GPC5: variants seen among roughly 807,000 people sequenced by gnomAD.
GPC5 encodes the protein glypican-5.
GPC5 carries 47 observed loss-of-function variants against 53.9 expected under a neutral mutation model. That is an observed-to-expected ratio of 0.87 (90% CI 0.69 to 1.11). The LOEUF is 1.11. GPC5 is among the 50% of genes most tolerant of loss of function. The pLI is 0.00. For missense variants in GPC5, 748 were observed against 713.1 expected, an observed-to-expected ratio of 1.05 and a Z score of -0.56; for synonymous variants, 286 against 263.3, an observed-to-expected ratio of 1.09 and a Z score of -0.84.
At chr13:92,079,159 C>A (rs553433640) in intron 6 of GPC5, among the ~76,000 whole-genome samples, 6 of 152,142 alleles carry the variant, frequency 3.9e-5, no homozygotes, top group Non-Finnish European at 7.3e-5. Context: ...TCAAGCAATT[C>A]TCCTGCCTCA....
At chr13:92,486,633 G>A (rs931371319) in intron 7 of GPC5, among the ~76,000 whole-genome samples, 5 of 152,142 alleles carry the variant, frequency 3.3e-5, no homozygotes, top group African/African-American at 1.2e-4. Context: ...GTACTTGATT[G>A]TATTTCTATG....
At chr13:91,942,662 A>G (rs1042487964) in intron 6 of GPC5, among the ~76,000 whole-genome samples, 1 of 23,912 alleles carries the variant, frequency 4.2e-5, no homozygotes, top group Non-Finnish European at 8.0e-5. Context: ...TGTGAAAAAA[A>G]TATAGATATA....
intron 7 of GPC5, among the ~76,000 whole-genome samples, chr13:92,231,265 C>T (rs1421588109): frequency 6.6e-6 from 1 of 152,170 alleles, no homozygotes; most frequent in East Asian, 1.9e-4. Context: ...AAACTCAAGA[C>T]AATCATCATG....
intron 5 of GPC5, among the ~76,000 whole-genome samples, chr13:91,772,005 G>A (rs1022480631): frequency 1.3e-5 from 2 of 152,176 alleles, no homozygotes; most frequent in Non-Finnish European, 2.9e-5. Context: ...CCAGTGGATT[G>A]GAGATTAAAG....
intron 5 of GPC5, among the ~76,000 whole-genome samples, chr13:91,769,056 A>C (rs1189420836): frequency 6.6e-6 from 1 of 152,184 alleles, no homozygotes; most frequent in African/African-American, 2.4e-5. Context: ...ATTTTAAGGA[A>C]TTGGCTTATG....
At chr13:92,295,068 G>A (rs1487950660) in intron 7 of GPC5, among the ~76,000 whole-genome samples, 1 of 151,960 alleles carries the variant, frequency 6.6e-6, no homozygotes, top group East Asian at 1.9e-4. Context: ...GTCCTCAGGT[G>A]ATATACCTGC....
chr13:92,031,653 G>A (rs1359454618), intron 6 of GPC5, among the ~76,000 whole-genome samples: 2 of 125,966 alleles, frequency 1.6e-5, no homozygotes, highest in African/African-American at 3.1e-5. Context: ...TCAATTAGCA[G>A]ATAAAGAAAT....
At chr13:91,700,134 C>T (rs1594449152) in intron 3 of GPC5, among the ~76,000 whole-genome samples, 1 of 152,038 alleles carries the variant, frequency 6.6e-6, no homozygotes, top group Non-Finnish European at 1.5e-5. Flanking sequence ...GGAGATTTGA[C>T]CCCTGCATGT....
chr13:92,663,668 T>C (rs1274558530), intron 7 of GPC5, among the ~76,000 whole-genome samples: 1 of 142,616 alleles, frequency 7.0e-6, no homozygotes, highest in Non-Finnish European at 1.5e-5. Flanking sequence ...ATATATACTA[T>C]ATATATACAC....
intron 7 of GPC5, among the ~76,000 whole-genome samples, chr13:92,679,283 T>C (rs1887043166): frequency 6.6e-6 from 1 of 152,226 alleles, no homozygotes; most frequent in Non-Finnish European, 1.5e-5. Context: ...AGGATTTGAC[T>C]AACCTGTTGT....
intron 2 of GPC5, among the ~76,000 whole-genome samples, chr13:91,462,708 C>T (rs909706314): frequency 5.9e-5 from 9 of 151,804 alleles, no homozygotes; most frequent in East Asian, 1.9e-4. Context: ...ATACTTAGGA[C>T]GGGTGGGTCA....
chr13:92,728,730 T>G (rs914246165), intron 7 of GPC5, among the ~76,000 whole-genome samples: 1 of 151,406 alleles, frequency 6.6e-6, no homozygotes, highest in African/African-American at 2.4e-5. Flanking sequence ...GAATGCCAAC[T>G]TTGACATTTC....
chr13:91,926,018 T>C (rs187338885), intron 6 of GPC5, among the ~76,000 whole-genome samples: 16 of 152,206 alleles, frequency 1.1e-4, no homozygotes, highest in Non-Finnish European at 2.4e-4. Context: ...TATTGAACGA[T>C]GGCACCTTGG....
chr13:92,185,105 T>C (rs541690324), intron 7 of GPC5, among the ~76,000 whole-genome samples: 6 of 152,202 alleles, frequency 3.9e-5, no homozygotes, highest in African/African-American at 1.4e-4. Context: ...CTGAGTCCCA[T>C]TGTTTATTGT....
intron 2 of GPC5, among the ~76,000 whole-genome samples, chr13:91,587,676 A>G (rs938464912): frequency 6.6e-6 from 1 of 152,168 alleles, no homozygotes; most frequent in Non-Finnish European, 1.5e-5. Flanking sequence ...GTTTTGAAAT[A>G]TCATTTTATT....
At chr13:92,753,991 AC>A (rs1439883259) in intron 7 of GPC5, among the ~76,000 whole-genome samples, 1 of 126,508 alleles carries the variant, frequency 7.9e-6, no homozygotes, top group African/African-American at 3.1e-5. Context: ...CCACAAAGAT[AC>A]TCCTCAAGAA....
At chr13:92,704,301 G>T (rs1887866777) in intron 7 of GPC5, among the ~76,000 whole-genome samples, 1 of 152,060 alleles carries the variant, frequency 6.6e-6, no homozygotes, top group Admixed American at 6.6e-5. Flanking sequence ...ATGAAGTGCT[G>T]CTTAGACCAC....
At chr13:91,827,290 T>C (rs151293477) in intron 5 of GPC5, among the ~76,000 whole-genome samples, 81 of 152,064 alleles carry the variant, frequency 5.3e-4, no homozygotes, top group Non-Finnish European at 7.8e-4. Flanking sequence ...TCTTGACTTA[T>C]AGCACAATAA....
chr13:92,450,176 A>C (rs1233183824), intron 7 of GPC5, among the ~76,000 whole-genome samples: 1 of 152,168 alleles, frequency 6.6e-6, no homozygotes, highest in Non-Finnish European at 1.5e-5. Flanking sequence ...GGGAGAAGAT[A>C]TATATATTCA....
Sources: allele counts gnomAD v4.1 joint callset (sites outside exome capture counted in the v4.1 genomes callset), GRCh38; gene constraint gnomAD v4.1.1; transcripts MANE v1.5; gene names NCBI Gene and HGNC (gene_info 2026-07-23, HGNC 2026-07-21).